CRYBB2: variants seen among roughly 807,000 people sequenced by gnomAD.
The protein encoded by CRYBB2 is beta-crystallin B2.
In CRYBB2, 12 loss-of-function variants were observed where a neutral mutation model predicts 24.3. The ratio of observed to expected loss-of-function variants is 0.49; its 90% CI spans 0.32 to 0.80. The LOEUF (loss-of-function observed/expected upper bound fraction) is 0.80. Among genes scored for constraint, CRYBB2 ranks in the 30% least tolerant of loss-of-function variants. The pLI, the probability that CRYBB2 is intolerant of heterozygous loss-of-function variation, is 0.04. For synonymous variants in CRYBB2, 98 were observed against 101.6 expected, an observed-to-expected ratio of 0.96 and a Z score of 0.21; for missense variants, 198 against 268.5, an observed-to-expected ratio of 0.74 and a Z score of 1.83.
At chr22:25,218,787 A>AG (rs1555888289), upstream of CRYBB2, among the ~76,000 whole-genome samples, 1 of 92,780 alleles carries the variant, frequency 1.1e-5, no homozygotes, top group Admixed American at 1.1e-4. Flanking sequence ...GAGAAGAAAG[A>AG]AAGAAAGAAA....
At chr22:25,222,476 A>G (rs1018825895) in intron 2 of CRYBB2, among the ~76,000 whole-genome samples, 2 of 152,182 alleles carry the variant, frequency 1.3e-5, no homozygotes, top group Admixed American at 6.5e-5. Flanking sequence ...AAGCGGCTAT[A>G]TGAAAATTGG....
upstream of CRYBB2, among the ~76,000 whole-genome samples, chr22:25,212,101 G>A (rs138247386): frequency 2.5e-4 from 38 of 152,344 alleles, no homozygotes; most frequent in East Asian, 4.0e-3. Flanking sequence ...AACCAAGGAC[G>A]TGCAATATGA....
At position 25,221,486 on chromosome 22, in the gene CRYBB2, G is replaced by A; in HGVS notation, c.54+3G>A. 2.5e-6 allele frequency: 4 copies of A among 1,611,432 alleles called. No homozygotes were observed. The highest frequency in any genetic ancestry group is 3.4e-6 in the Non-Finnish European group (4 of 1,177,542). The stretch of plus-strand genomic sequence containing the variant: ...AGCCACAGTCCCTCAACCCCAAGGT[G>A]GGTACCTCTCAGAGGAGGGGGCATG... On this transcript the variant is annotated splice_donor_region_variant and intron_variant, in intron 2 of 5. Coordinates refer to ENST00000398215, the MANE Select transcript of CRYBB2 (RefSeq NM_000496.3).
intron 4 of CRYBB2, among the ~76,000 whole-genome samples, chr22:25,228,239 G>GC (rs979308677): frequency 6.8e-6 from 1 of 146,744 alleles, no homozygotes; most frequent in African/African-American, 2.5e-5. Flanking sequence ...GTGCTTATTA[G>GC]CTTGAGGGTT....
At chr22:25,219,092 G>T (rs12169700), upstream of CRYBB2, among the ~76,000 whole-genome samples, 55,187 of 151,796 alleles carry the variant, frequency 0.36, 10,524 homozygotes, top group African/African-American at 0.49. Context: ...CTGTTCCCAG[G>T]CTTCCTCTTC....
chr22:25,221,692 C>T (rs920963632), intron 2 of CRYBB2, among the ~76,000 whole-genome samples: 3 of 152,248 alleles, frequency 2.0e-5, no homozygotes, highest in Non-Finnish European at 4.4e-5. Context: ...TTCCCAGTAC[C>T]AGCCTCTGGC....
Position 25,229,521 on chromosome 22 carries a change from G to A in CRYBB2, c.392G>A (p.Ser131Asn). 1 of 1,614,222 alleles carries A rather than the reference G, an allele frequency of 6.2e-7. No homozygotes were observed. Among genetic ancestry groups the A allele is most frequent in the Non-Finnish European group, 8.5e-7 (1 of 1,180,044 alleles). ...GAAATCATAGATGACGATGTACCCA[G>A]CTTCCACGCCCATGGCTACCAGGAG... is the stretch of plus-strand genomic sequence containing the variant. ...KMEIIDDDVP[S>N]FHAHGYQEKV... The change falls in exon 5 of 6, where the codon AGC (serine) becomes AAC (asparagine). Residue 131 changes from serine (S) to asparagine (N), a missense_variant. Transcript: ENST00000398215.
upstream of CRYBB2, among the ~76,000 whole-genome samples, chr22:25,218,775 GAGAGAAGAAAGAAAGAAAGA>G (rs1489327405): frequency 4.5e-5 from 1 of 22,308 alleles, no homozygotes; most frequent in Non-Finnish European, 9.3e-5. Context: ...GAGAGAGAGA[GAGAGAAGAAAGAAAGAAAGA>G]AAGAAAGAAA....
At chr22:25,218,089 C>T (rs1342862821), upstream of CRYBB2, among the ~76,000 whole-genome samples, 1 of 151,540 alleles carries the variant, frequency 6.6e-6, no homozygotes. Context: ...GAAACACCGT[C>T]TCTACTAAAA....
chr22:25,212,137 C>T (rs116916685), upstream of CRYBB2, among the ~76,000 whole-genome samples: 185 of 152,342 alleles, frequency 1.2e-3, 2 homozygotes, highest in South Asian at 0.026. Context: ...TTCTCTTGAT[C>T]ATTTTTTGAC....
At position 25,231,341 on chromosome 22, in the gene CRYBB2, ACAG is replaced by A. The variant is rs1452065071; in HGVS notation, c.450-262_450-260del. On this transcript the variant is annotated intron_variant, in intron 5 of 5. Transcript: ENST00000398215. The stretch of plus-strand genomic sequence containing the variant: ...TGACCCCAGTACAGTACAGTACAGT[ACAG>A]TACAGTACAGGCCTTCAGTCAAAAT... Among the ~76,000 whole-genome samples, 3 of 114,862 alleles carry A rather than the reference ACAG, an allele frequency of 2.6e-5. No individual in the cohort carries two copies. In the East Asian group the frequency reaches 1.0e-3, roughly 39 times the overall value. 75.4% of individuals were successfully genotyped at this position (114,862 alleles called of 152,430 possible).
At chr22:25,231,331 ACAGTACAGTACAGT>A in intron 5 of CRYBB2, among the ~76,000 whole-genome samples, 1 of 39,716 alleles carries the variant, frequency 2.5e-5, no homozygotes, top group Admixed American at 1.8e-4. Context: ...CCAGTACAGT[ACAGTACAGTACAGT>A]ACAGTACAGG....
upstream of CRYBB2, among the ~76,000 whole-genome samples, chr22:25,218,686 A>C: frequency 1.2e-5 from 1 of 82,618 alleles, no homozygotes; most frequent in Non-Finnish European, 2.2e-5. Context: ...AAGAGAAAGA[A>C]AGAAAGAGAG....
At chr22:25,219,340 CCTGA>C (rs1935281280), upstream of CRYBB2, among the ~76,000 whole-genome samples, 1 of 152,174 alleles carries the variant, frequency 6.6e-6, no homozygotes. Context: ...TGCCTCACGG[CCTGA>C]CTGACCGTAC....
chr22:25,222,710 A>G (rs1569018641), intron 2 of CRYBB2, among the ~76,000 whole-genome samples: 1 of 152,254 alleles, frequency 6.6e-6, no homozygotes, highest in Non-Finnish European at 1.5e-5. Context: ...TAGACCTATA[A>G]TGTGAGCCAC....
chr22:25,218,825 A>AC (rs1935267644), upstream of CRYBB2, among the ~76,000 whole-genome samples: 1 of 117,588 alleles, frequency 8.5e-6, no homozygotes, highest in Non-Finnish European at 1.7e-5. Context: ...AAAGAAAGAA[A>AC]GAAAGAAAGA....
intron 5 of CRYBB2, 32 bp downstream of exon 5, chr22:25,229,610 C>G: frequency 6.2e-7 from 1 of 1,612,828 alleles, no homozygotes; most frequent in Non-Finnish European, 8.5e-7. Context: ...GCTCACCCTG[C>G]CCCAGGAACT....
Position 25,227,872 on chromosome 22 carries a change from G to A in CRYBB2, c.193G>A (p.Ala65Thr). 1.2e-6 allele frequency: 2 copies of A among 1,614,088 alleles called. No individual in the cohort carries two copies. Among genetic ancestry groups the A allele is most frequent in the East Asian group, 2.2e-5 (1 of 44,870 alleles). The change falls in exon 4 of 6, where the codon GCC (alanine) becomes ACC (threonine). Residue 65 changes from alanine to threonine, a missense_variant. By Grantham distance (58) the Ala-to-Thr change is moderately conservative. Transcript: ENST00000398215. ...TGGCAGCTGGGTGGGCTATGAACAG[G>A]CCAACTGCAAGGGCGAGCAGTTTGT... ...QAGPWVGYEQ[A>T]NCKGEQFVFE... is the part of the protein sequence containing the mutation.
At chr22:25,214,638 A>G (rs1185264600) in intron 1 of CRYBB2, among the ~76,000 whole-genome samples, 1 of 152,242 alleles carries the variant, frequency 6.6e-6, no homozygotes, top group Non-Finnish European at 1.5e-5. Flanking sequence ...CGCTTTCTAT[A>G]ATATTTGTAA....
Sources: allele counts gnomAD v4.1 joint callset (sites outside exome capture counted in the v4.1 genomes callset), GRCh38; gene constraint gnomAD v4.1.1; transcripts MANE v1.5; gene names NCBI Gene and HGNC (gene_info 2026-07-23, HGNC 2026-07-21).